The following CNTNAP2 variants were observed in gnomAD, a reference collection of about 807,000 sequenced individuals.
CNTNAP2 encodes the protein contactin associated protein 2.
CNTNAP2 carries 98 observed loss-of-function variants against 155.2 expected under a neutral mutation model. The observed-to-expected ratio is 0.63, with a 90% CI of 0.54 to 0.75. CNTNAP2 has a LOEUF of 0.75. Among genes scored for constraint, CNTNAP2 ranks in the 30% least tolerant of loss-of-function variants. The probability of loss-of-function intolerance (pLI) is 0.00; values close to 1 mark genes in which losing one functional copy is unlikely to be tolerated. For missense variants in CNTNAP2, 1,727 were observed against 1,688.1 expected (o/e 1.02, Z -0.40); for synonymous variants, 651 against 631.2 (o/e 1.03, Z -0.47).
intron 13 of CNTNAP2, among the ~76,000 whole-genome samples, chr7:147,706,602 G>C (rs557703300): frequency 7.9e-5 from 12 of 152,274 alleles, no homozygotes; most frequent in African/African-American, 2.9e-4. Flanking sequence ...ATAATGTGCT[G>C]TGGAGAAGGC....
At position 148,178,809 on chromosome 7, in the gene CNTNAP2, A is replaced by G. The variant is rs182891755; in HGVS notation, c.3010+6331A>G. ...CAGTCCAACAGCAAATGTCCTTTTC[A>G]TTCTTAGCAGCTCTTTGCTTTTTGG... is the stretch of plus-strand genomic sequence containing the variant. On this transcript the variant is annotated intron_variant, in intron 18 of 23. Transcript: ENST00000361727. Among the ~76,000 whole-genome samples the G allele has an allele frequency of 2.0e-3, 302 of 152,326 alleles. 2 individuals carry two copies. Among genetic ancestry groups the G allele is most frequent in the African/African-American group, 6.9e-3 (285 of 41,580 alleles).
At chr7:146,452,158 C>T (rs986025446) in intron 1 of CNTNAP2, among the ~76,000 whole-genome samples, 14 of 151,864 alleles carry the variant, frequency 9.2e-5, no homozygotes, top group Admixed American at 4.6e-4. Context: ...CCACCCACCT[C>T]GGCCTCCCAA....
chr7:147,613,430 G>T (rs1801224236), intron 12 of CNTNAP2, among the ~76,000 whole-genome samples: 1 of 152,104 alleles, frequency 6.6e-6, no homozygotes, highest in Non-Finnish European at 1.5e-5. Context: ...CTACTCAGTG[G>T]CCTAAAATTT....
Position 148,116,433 on chromosome 7 carries a change from A to C in CNTNAP2, c.2384-1685A>C, listed in dbSNP as rs936663646. On this transcript the variant is annotated intron_variant, in intron 15 of 23. Coordinates refer to ENST00000361727, the MANE Select transcript of CNTNAP2 (RefSeq NM_014141.6). ...TAAAGACTTTCCACATTAACCAATC[A>C]AACGGTTTCTTTGTCTTGCATCCAC... 3.9e-5 allele frequency among the ~76,000 whole-genome samples: 6 copies of C among 152,254 alleles called. No homozygotes were observed. The East Asian group carries it at 9.7e-4, about 25-fold the overall frequency.
At chr7:146,272,197 A>G (rs141748924) in intron 1 of CNTNAP2, among the ~76,000 whole-genome samples, 1,704 of 152,300 alleles carry the variant, frequency 0.011, 18 homozygotes, top group Middle Eastern at 0.024. Context: ...CCTTCTTCAC[A>G]TGGCAGCAGC....
Position 148,376,111 on chromosome 7 carries a change from T to G in CNTNAP2, c.3476-7538T>G, listed in dbSNP as rs1486178103. 3.0e-5 allele frequency among the ~76,000 whole-genome samples: 2 copies of G among 67,338 alleles called. 1 individual carries two copies. Among genetic ancestry groups the G allele is most frequent in the African/African-American group, 7.3e-5 (2 of 27,504 alleles). 44.2% of individuals were successfully genotyped at this position (67,338 alleles called of 152,430 possible). ...CAAATAAAAATGTAATACTTCATCT[T>G]TTTGCAAAATAGTGCAGTGGGCTCT... On this transcript the variant is annotated intron_variant, in intron 21 of 23. Coordinates refer to ENST00000361727, the MANE Select transcript of CNTNAP2 (RefSeq NM_014141.6).
intron 1 of CNTNAP2, among the ~76,000 whole-genome samples, chr7:146,507,459 C>T (rs1797401499): frequency 6.6e-6 from 1 of 152,198 alleles, no homozygotes; most frequent in African/African-American, 2.4e-5. Context: ...GTCCCAATCC[C>T]AAGTAATTCC....
chr7:148,007,162 T>A (rs1167761834), intron 15 of CNTNAP2, among the ~76,000 whole-genome samples: 1 of 152,208 alleles, frequency 6.6e-6, no homozygotes, highest in Admixed American at 6.5e-5. Context: ...TATGAGTTTA[T>A]TGATGGAAAA....
chr7:147,128,222 C>T (rs1390223553), intron 6 of CNTNAP2, among the ~76,000 whole-genome samples: 3 of 152,136 alleles, frequency 2.0e-5, no homozygotes, highest in Non-Finnish European at 4.4e-5. Flanking sequence ...CATTAGACTA[C>T]AAGTCTGCAT....
chr7:148,171,189 G>T (rs6973203), intron 17 of CNTNAP2, among the ~76,000 whole-genome samples: 49,390 of 151,942 alleles, frequency 0.33, 8,393 homozygotes, highest in Middle Eastern at 0.43. Context: ...GTGAGGACCA[G>T]GTGAGTAGCA....
chr7:146,482,352 G>A (rs1189260542), intron 1 of CNTNAP2, among the ~76,000 whole-genome samples: 1 of 151,314 alleles, frequency 6.6e-6, no homozygotes, highest in Non-Finnish European at 1.5e-5. Flanking sequence ...TTTATGTTTT[G>A]TATGTGAATG....
At chr7:146,913,541 T>A (rs1417542145) in intron 3 of CNTNAP2, among the ~76,000 whole-genome samples, 1 of 151,934 alleles carries the variant, frequency 6.6e-6, no homozygotes, top group Admixed American at 6.6e-5. Flanking sequence ...CATGGTTGAG[T>A]TTTTGGTGGT....
At chr7:148,043,890 T>C (rs1802721887) in intron 15 of CNTNAP2, among the ~76,000 whole-genome samples, 1 of 152,224 alleles carries the variant, frequency 6.6e-6, no homozygotes, top group Admixed American at 6.5e-5. Context: ...TAACCGCTTT[T>C]AGCCCTTACT....
intron 11 of CNTNAP2, among the ~76,000 whole-genome samples, chr7:147,507,426 C>T (rs1182339673): frequency 1.3e-5 from 2 of 152,086 alleles, no homozygotes; most frequent in Admixed American, 6.6e-5. Context: ...AACCCTTCAA[C>T]GTGGCTACCA....
At chr7:148,405,170 C>T (rs1799669924) in intron 22 of CNTNAP2, among the ~76,000 whole-genome samples, 2 of 152,116 alleles carry the variant, frequency 1.3e-5, no homozygotes, top group Admixed American at 1.3e-4. Context: ...TCACCTATAC[C>T]TAGAATGTTG....
chr7:146,785,006 G>C (rs1188607057), intron 2 of CNTNAP2, among the ~76,000 whole-genome samples: 1 of 135,778 alleles, frequency 7.4e-6, no homozygotes, highest in African/African-American at 2.7e-5. Flanking sequence ...GACAAGGTTT[G>C]TCACCCAGGC....
In CNTNAP2 at chr7:146,985,586, C is replaced by G. The variant is rs539623311; in HGVS notation, c.403-58321C>G. ...CCACTCGCCTTGGCCTCCCAAAGTG[C>G]TAGGATTACAGGCGTAAGCCACTGA... is the stretch of plus-strand genomic sequence containing the variant. On this transcript the variant is annotated intron_variant, in intron 3 of 23. Coordinates refer to ENST00000361727, the MANE Select transcript of CNTNAP2 (RefSeq NM_014141.6). Among the ~76,000 whole-genome samples, 9 of 152,202 alleles carry G rather than the reference C, an allele frequency of 5.9e-5. No homozygotes were observed. In the South Asian group the frequency reaches 1.9e-3, roughly 32 times the overall value.
intron 1 of CNTNAP2, among the ~76,000 whole-genome samples, chr7:146,727,052 G>A (rs999821286): frequency 6.6e-6 from 1 of 151,854 alleles, no homozygotes; most frequent in Non-Finnish European, 1.5e-5. Context: ...AGTTATAAAT[G>A]CTTGAATTTG....
At chr7:146,367,069 T>C (rs925697806) in intron 1 of CNTNAP2, among the ~76,000 whole-genome samples, 1 of 152,140 alleles carries the variant, frequency 6.6e-6, no homozygotes, top group African/African-American at 2.4e-5. Context: ...TGAGAACCAA[T>C]GAACAAACAA....
Sources: gnomAD v4.1 joint callset for allele counts (sites outside exome capture counted in the v4.1 genomes callset) on GRCh38, gnomAD v4.1.1 for gene constraint, MANE v1.5 for transcripts, NCBI Gene and HGNC (gene_info 2026-07-23, HGNC 2026-07-21) for gene names.